Variants in VPS13B observed in about 807,000 individuals in gnomAD.
The protein encoded by VPS13B is intermembrane lipid transfer protein VPS13B.
A neutral mutation model predicts 426.4 loss-of-function variants in VPS13B; 285 were observed. That is an observed-to-expected ratio of 0.67 (90% CI 0.61 to 0.74). The LOEUF is 0.74. Among genes scored for constraint, VPS13B ranks in the 30% least tolerant of loss-of-function variants. The pLI, the probability that VPS13B is intolerant of heterozygous loss-of-function variation, is 0.00. For missense variants in VPS13B, 4,537 were observed against 4,782.6 expected, an observed-to-expected ratio of 0.95 and a Z score of 1.51; for synonymous variants, 1,676 against 1,676.4, an observed-to-expected ratio of 1.00 and a Z score of 0.01.
intron 36 of VPS13B, among the ~76,000 whole-genome samples, chr8:99,706,836 G>GA (rs907573729): frequency 1.3e-5 from 2 of 152,082 alleles, no homozygotes; most frequent in Non-Finnish European, 2.9e-5. Context: ...AAGGACTGTG[G>GA]AAAAATAAAA....
At chr8:99,201,168 A>G (rs1450551888) in intron 17 of VPS13B, among the ~76,000 whole-genome samples, 1 of 152,014 alleles carries the variant, frequency 6.6e-6, no homozygotes, top group African/African-American at 2.4e-5. Flanking sequence ...CAAATAAGAA[A>G]TGTGTATATG....
At chr8:99,750,032 A>G (rs1207663246) in intron 39 of VPS13B, among the ~76,000 whole-genome samples, 1 of 152,126 alleles carries the variant, frequency 6.6e-6, no homozygotes, top group African/African-American at 2.4e-5. Context: ...CATCTTATCT[A>G]TTTTTTAAAA....
At chr8:99,656,990 C>CT (rs1222365086) in intron 34 of VPS13B, among the ~76,000 whole-genome samples, 1 of 152,184 alleles carries the variant, frequency 6.6e-6, no homozygotes, top group Non-Finnish European at 1.5e-5. Flanking sequence ...TTCAGGCATA[C>CT]TTTAAAAACC....
chr8:99,031,655 C>T (rs973278171), intron 2 of VPS13B, among the ~76,000 whole-genome samples: 1 of 152,174 alleles, frequency 6.6e-6, no homozygotes, highest in Non-Finnish European at 1.5e-5. Context: ...GATTTCTTCA[C>T]CCGTCATCAA....
chr8:99,043,049 C>T (rs1054405630), intron 3 of VPS13B, among the ~76,000 whole-genome samples: 1 of 152,106 alleles, frequency 6.6e-6, no homozygotes, highest in African/African-American at 2.4e-5. Context: ...GGAAATAAAG[C>T]TTTCTTTGAT....
chr8:99,717,073 A>G, intron 36 of VPS13B, 98 bp from the exon 37 acceptor site: 1 of 1,222,298 alleles, frequency 8.2e-7, no homozygotes, highest in Non-Finnish European at 1.2e-6. Context: ...GACTCTGACA[A>G]AGGATGAATT....
At chr8:99,390,022 G>A (rs1357303339) in intron 20 of VPS13B, among the ~76,000 whole-genome samples, 1 of 151,950 alleles carries the variant, frequency 6.6e-6, no homozygotes, top group Non-Finnish European at 1.5e-5. Flanking sequence ...TTATCAGTTT[G>A]ACTAAATACC....
At chr8:99,830,098 A>C (rs532182639) in intron 51 of VPS13B, among the ~76,000 whole-genome samples, 1 of 152,346 alleles carries the variant, frequency 6.6e-6, no homozygotes, top group South Asian at 2.1e-4. Context: ...TTGAGGAGGC[A>C]GTCTGTCCCT....
chr8:99,825,878 G>A lies in VPS13B; in HGVS notation c.9330+1900G>A, dbSNP rs112587743. Among the ~76,000 whole-genome samples, 157 of 152,292 alleles carry A rather than the reference G, an allele frequency of 1.0e-3. 2 individuals carry two copies. The highest frequency in any genetic ancestry group is 3.6e-3 in the African/African-American group (151 of 41,558). On this transcript the variant is annotated intron_variant, in intron 51 of 61. Transcript: ENST00000357162. Reference sequence around the variant, plus strand: ...CAGGTTTGTCAAAGATCAGATGGTTGTAGATGTGTGGTGTTATTTCTGAGG... The same window carrying A: ...CAGGTTTGTCAAAGATCAGATGGTTATAGATGTGTGGTGTTATTTCTGAGG...
intron 37 of VPS13B, among the ~76,000 whole-genome samples, 156 bp from the exon 38 acceptor site, chr8:99,720,189 A>G (rs1308628556): frequency 2.0e-5 from 3 of 152,174 alleles, no homozygotes; most frequent in Non-Finnish European, 4.4e-5. Context: ...ATAGAATTTC[A>G]TCCTGTAAGT....
chr8:99,512,070 A>G (rs1490753680), intron 29 of VPS13B, among the ~76,000 whole-genome samples: 1 of 152,242 alleles, frequency 6.6e-6, no homozygotes, highest in Non-Finnish European at 1.5e-5. Flanking sequence ...TACGAACCTT[A>G]TAGTGCTTAA....
At chr8:99,211,731 C>T (rs983087710) in intron 17 of VPS13B, among the ~76,000 whole-genome samples, 13 of 151,486 alleles carry the variant, frequency 8.6e-5, no homozygotes, top group Non-Finnish European at 1.5e-4. Flanking sequence ...GAGCCAAGAT[C>T]GCGCCACTGC....
chr8:99,125,639 G>A (rs1407794112), intron 8 of VPS13B, among the ~76,000 whole-genome samples: 1 of 152,180 alleles, frequency 6.6e-6, no homozygotes, highest in Non-Finnish European at 1.5e-5. Context: ...CAGGGGAGTT[G>A]AGTTAGTGCT....
chr8:99,704,805 T>C (rs932711462), intron 36 of VPS13B, among the ~76,000 whole-genome samples: 30 of 152,282 alleles, frequency 2.0e-4, no homozygotes, highest in East Asian at 7.7e-4. Context: ...GGAGACCTCA[T>C]TGGGTCTGTA....
At chr8:99,354,374 C>T (rs1812070763) in intron 19 of VPS13B, among the ~76,000 whole-genome samples, 1 of 133,792 alleles carries the variant, frequency 7.5e-6, no homozygotes, top group South Asian at 2.4e-4. Context: ...AAATGGGAAA[C>T]TTAAAACTAA....
At chr8:99,154,369 T>G (rs1051234264) in intron 14 of VPS13B, among the ~76,000 whole-genome samples, 1 of 151,992 alleles carries the variant, frequency 6.6e-6, no homozygotes, top group Non-Finnish European at 1.5e-5. Flanking sequence ...TATTCCGGGT[T>G]TTTTTTTGGT....
intron 40 of VPS13B, among the ~76,000 whole-genome samples, chr8:99,773,850 G>T (rs544022997): frequency 2.0e-5 from 3 of 152,148 alleles, no homozygotes; most frequent in African/African-American, 7.2e-5. Flanking sequence ...AATATTATAA[G>T]TTGTGATATT....
At chr8:99,187,287 T>C (rs1465136382) in intron 16 of VPS13B, among the ~76,000 whole-genome samples, 1 of 152,112 alleles carries the variant, frequency 6.6e-6, no homozygotes, top group Non-Finnish European at 1.5e-5. Context: ...TAGTTAACTA[T>C]TTTAAAATGC....
intron 25 of VPS13B, among the ~76,000 whole-genome samples, chr8:99,498,270 A>G (rs1821038770): frequency 6.6e-6 from 1 of 152,172 alleles, no homozygotes; most frequent in Admixed American, 6.5e-5. Flanking sequence ...GCATTCAAAA[A>G]CAATCATTAA....
Sources: gnomAD v4.1 joint callset for allele counts (sites outside exome capture counted in the v4.1 genomes callset) on GRCh38, gnomAD v4.1.1 for gene constraint, MANE v1.5 for transcripts, NCBI Gene and HGNC (gene_info 2026-07-23, HGNC 2026-07-21) for gene names.